ST6GALNAC5: variants seen among roughly 807,000 people sequenced by gnomAD.
ST6GALNAC5 encodes ST6 N-acetylgalactosaminide alpha-2,6-sialyltransferase 5, also known as alpha-N-acetylgalactosaminide alpha-2,6-sialyltransferase 5.
In ST6GALNAC5, 27 loss-of-function variants were observed where a neutral mutation model predicts 33.6. The observed-to-expected ratio is 0.80, with a 90% confidence interval of 0.59 to 1.11. The LOEUF (loss-of-function observed/expected upper bound fraction) is 1.11. Among genes scored for constraint, ST6GALNAC5 ranks in the 50% least tolerant of loss-of-function variants. ST6GALNAC5 has a pLI of 0.00. For missense variants in ST6GALNAC5, 428 were observed against 454.0 expected, an observed-to-expected ratio of 0.94 and a Z score of 0.52; for synonymous variants, 194 against 171.2, an observed-to-expected ratio of 1.13 and a Z score of -1.04.
At position 76,868,369 on chromosome 1, in the gene ST6GALNAC5, G is replaced by A; in HGVS notation, c.16-128G>A. On this transcript the variant is annotated intron_variant, in intron 1 of 4. Transcript: ENST00000477717. The surrounding 1 kb of genome is among the most constrained non-coding windows in gnomAD (Gnocchi z 4.3). ...TTCTCTGTCCCAGTTGCGTGCGGCGGGGCTGGGGCCCAGGCCGCCCCAAAT... is the reference window on the plus strand; with the variant it reads ...TTCTCTGTCCCAGTTGCGTGCGGCGAGGCTGGGGCCCAGGCCGCCCCAAAT... The A allele has an allele frequency of 7.3e-7, 1 of 1,369,614 alleles. No individual in the cohort carries two copies. The highest frequency in any genetic ancestry group is 9.7e-7 in the Non-Finnish European group (1 of 1,033,604). The allele number at this position is 1,369,614 out of a possible 1,614,324, so 84.8% of individuals were successfully genotyped here.
intron 1 of ST6GALNAC5, 33 bp downstream of exon 1, chr1:76,867,723 G>C (rs770722297): frequency 3.7e-6 from 6 of 1,614,052 alleles, no homozygotes; most frequent in South Asian, 1.1e-5. Context: ...ACCGGGCAAA[G>C]AGGGGGATCC....
intron 2 of ST6GALNAC5, among the ~76,000 whole-genome samples, chr1:77,038,786 A>G (rs993211721): frequency 3.3e-5 from 5 of 152,220 alleles, no homozygotes; most frequent in Admixed American, 2.0e-4. Flanking sequence ...TCCTGTCACC[A>G]CAGCCCAAAG....
chr1:76,903,265 A>G (rs574332544), intron 2 of ST6GALNAC5, among the ~76,000 whole-genome samples: 1 of 152,320 alleles, frequency 6.6e-6, no homozygotes, highest in East Asian at 1.9e-4. Context: ...GCATACAAAT[A>G]GACAAAGCAC....
At chr1:76,973,416 TTTATTA>T (rs144074793) in intron 2 of ST6GALNAC5, among the ~76,000 whole-genome samples, 136,668 of 148,592 alleles carry the variant, frequency 0.92, 63,030 homozygotes, top group East Asian at 0.99. Flanking sequence ...AGCAGTCAGG[TTTATTA>T]TTATTATTAT....
At chr1:76,987,293 A>G (rs560206349) in intron 2 of ST6GALNAC5, among the ~76,000 whole-genome samples, 2 of 152,296 alleles carry the variant, frequency 1.3e-5, no homozygotes, top group African/African-American at 2.4e-5. Flanking sequence ...TTCAACCAAC[A>G]TTTCTCCAAA....
rs199708 is a variant in ST6GALNAC5 at position 77,048,419 on chromosome 1, G to A, written c.672-1839G>A. Among the ~76,000 whole-genome samples the A allele has an allele frequency of 6.6e-3, 1,001 of 152,232 alleles. 13 individuals are homozygous for A. The highest frequency in any genetic ancestry group is 0.022 in the African/African-American group (918 of 41,518). On this transcript the variant is annotated intron_variant, in intron 3 of 4. Transcript: ENST00000477717. ...TAGAACACATGGCCAGTGCATTGTC[G>A]CAGCCCATAGGTGAAAACAGCTTCT...
chr1:76,962,571 A>T (rs1294988042), intron 2 of ST6GALNAC5, among the ~76,000 whole-genome samples: 1 of 152,240 alleles, frequency 6.6e-6, no homozygotes, highest in Non-Finnish European at 1.5e-5. Flanking sequence ...AAAAGAACCT[A>T]AAAGCATAGG....
chr1:76,979,971 A>C (rs1649181846), intron 2 of ST6GALNAC5, among the ~76,000 whole-genome samples: 1 of 152,168 alleles, frequency 6.6e-6, no homozygotes, highest in Non-Finnish European at 1.5e-5. Flanking sequence ...AAGACCCAAA[A>C]CTATGAAACT....
At position 76,948,471 on chromosome 1, in the gene ST6GALNAC5, G is replaced by A. The variant is rs184693741; in HGVS notation, c.261+79729G>A. Among the ~76,000 whole-genome samples the A allele has an allele frequency of 3.4e-3, 515 of 152,112 alleles. 3 individuals carry two copies. Among genetic ancestry groups the A allele is most frequent in the Non-Finnish European group, 5.9e-3 (402 of 67,982 alleles). ...AGTGAAAGAGGAAGAGAGAGAGATG[G>A]AATGACAGCACTAGCTCTCATACAA... On this transcript the variant is annotated intron_variant, in intron 2 of 4. Transcript: ENST00000477717.
At chr1:76,967,329 G>T (rs1648537462) in intron 2 of ST6GALNAC5, among the ~76,000 whole-genome samples, 2 of 152,008 alleles carry the variant, frequency 1.3e-5, no homozygotes, top group Admixed American at 1.3e-4. Context: ...GTCTTGGGAG[G>T]GTGTATGTGT....
Position 77,044,617 on chromosome 1 carries a change from C to A in ST6GALNAC5, c.671+4C>A. On this transcript the variant is annotated splice_donor_region_variant and intron_variant, in intron 3 of 4. Coordinates refer to ENST00000477717, the MANE Select transcript of ST6GALNAC5 (RefSeq NM_030965.3). ...AGCAGGAGACTGGCAAAGACAGGTA[C>A]AAAGGCACAGGGAAGAAGATGCAGG... 6.5e-7 allele frequency: 1 copy of A among 1,538,568 alleles called. No individual in the cohort carries two copies. The highest frequency in any genetic ancestry group is 8.8e-7 in the Non-Finnish European group (1 of 1,139,404).
At chr1:76,893,722 G>A (rs1042846522) in intron 2 of ST6GALNAC5, among the ~76,000 whole-genome samples, 17 of 152,190 alleles carry the variant, frequency 1.1e-4, no homozygotes, top group South Asian at 2.1e-4. Flanking sequence ...TTGCAGTGGC[G>A]CGATCTCGGC....
intron 2 of ST6GALNAC5, among the ~76,000 whole-genome samples, chr1:76,948,251 G>T (rs1173737556): frequency 6.6e-6 from 1 of 152,112 alleles, no homozygotes; most frequent in African/African-American, 2.4e-5. Context: ...CCAACCTAAG[G>T]CAAGGGAGAT....
chr1:76,879,189 C>T (rs191259375), intron 2 of ST6GALNAC5, among the ~76,000 whole-genome samples: 47 of 152,320 alleles, frequency 3.1e-4, no homozygotes, highest in Non-Finnish European at 5.7e-4. Context: ...ACTCCACCAT[C>T]CCAATCTCCC....
intron 2 of ST6GALNAC5, among the ~76,000 whole-genome samples, chr1:77,034,150 GA>G: frequency 6.6e-6 from 1 of 152,204 alleles, no homozygotes; most frequent in Admixed American, 6.5e-5. Context: ...TTAAAAGTAT[GA>G]AATCAAGGTG....
Position 77,044,314 on chromosome 1 carries a change from T to C in ST6GALNAC5, c.372T>C (p.Asn124=). 1.9e-6 allele frequency: 3 copies of C among 1,613,996 alleles called. No homozygotes were observed. The highest frequency in any genetic ancestry group is 2.5e-6 in the Non-Finnish European group (3 of 1,180,024). ...IDQTECVIRM[N]DAPTRGYGRD... is the part of the protein sequence containing the mutation. ...AGACAGAGTGTGTCATCCGCATGAA[T>C]GACGCCCCCACACGCGGCTATGGGC... Residue 124 remains asparagine (N), a synonymous_variant, in exon 3 of 5, where the codon AAT becomes AAC. Transcript: ENST00000477717.
intron 2 of ST6GALNAC5, among the ~76,000 whole-genome samples, chr1:77,003,214 C>T (rs1437742849): frequency 1.3e-4 from 7 of 53,644 alleles, no homozygotes; most frequent in African/African-American, 3.2e-4. Context: ...GTTAGCTCTT[C>T]TTGTTGAATT....
intron 2 of ST6GALNAC5, among the ~76,000 whole-genome samples, chr1:77,038,331 T>C (rs1179089058): frequency 6.6e-6 from 1 of 152,218 alleles, no homozygotes; most frequent in South Asian, 2.1e-4. Flanking sequence ...TTATACCCAG[T>C]GTCAGCCTGA....
At chr1:76,970,225 G>A (rs747518587) in intron 2 of ST6GALNAC5, among the ~76,000 whole-genome samples, 1 of 152,064 alleles carries the variant, frequency 6.6e-6, no homozygotes, top group Admixed American at 6.6e-5. Flanking sequence ...GACAGAAATA[G>A]GCTTCAGAAG....
Sources: allele counts gnomAD v4.1 joint callset (sites outside exome capture counted in the v4.1 genomes callset), GRCh38; gene constraint gnomAD v4.1.1; non-coding constraint Gnocchi (gnomAD v3.1); transcripts MANE v1.5; gene names NCBI Gene and HGNC (gene_info 2026-07-23, HGNC 2026-07-21).